The following GLIS3 variants were observed in gnomAD, a reference collection of about 807,000 sequenced individuals.
The protein encoded by GLIS3 is zinc finger protein GLIS3.
In GLIS3, 53 loss-of-function variants were observed where a neutral mutation model predicts 78.6. The observed-to-expected ratio is 0.67, with a 90% CI of 0.54 to 0.85. The LOEUF (loss-of-function observed/expected upper bound fraction) is 0.85, where lower values mean the gene tolerates loss of function less well. Among genes scored for constraint, GLIS3 ranks in the 40% least tolerant of loss-of-function variants. The probability of loss-of-function intolerance (pLI) is 0.00; values close to 1 mark genes in which losing one functional copy is unlikely to be tolerated. For missense variants in GLIS3, 1,703 were observed against 1,231.1 expected (o/e 1.38, Z -5.74); for synonymous variants, 684 against 509.9 (o/e 1.34, Z -4.60).
chr9:4,203,252 G>T (rs1819565867), intron 2 of GLIS3, among the ~76,000 whole-genome samples: 1 of 152,152 alleles, frequency 6.6e-6, no homozygotes, highest in South Asian at 2.1e-4. Flanking sequence ...TCAGATAAAT[G>T]CAACTCCAAA....
chr9:3,960,452 G>C (rs1229048712), intron 4 of GLIS3, among the ~76,000 whole-genome samples: 1 of 152,126 alleles, frequency 6.6e-6, no homozygotes, highest in Non-Finnish European at 1.5e-5. Flanking sequence ...CCACCATCTG[G>C]AATTGTCTGG....
intron 2 of GLIS3, among the ~76,000 whole-genome samples, chr9:4,146,794 A>C (rs1014853450): frequency 2.0e-5 from 3 of 152,246 alleles, no homozygotes; most frequent in African/African-American, 7.2e-5. Context: ...AAAATTAAAC[A>C]GTTCTCTAGA....
chr9:4,155,021 T>G (rs1346616664), intron 2 of GLIS3, among the ~76,000 whole-genome samples: 2 of 152,216 alleles, frequency 1.3e-5, no homozygotes, highest in East Asian at 3.8e-4. Context: ...ACCATGAAAC[T>G]TTATTTAGAA....
At chr9:4,448,649 A>C in the GLIS3 span, among the ~76,000 whole-genome samples, 1 of 152,246 alleles carries the variant, frequency 6.6e-6, no homozygotes, top group African/African-American at 2.4e-5. Flanking sequence ...TGTTCTGGAC[A>C]ACAAACTATA....
intron 3 of GLIS3, among the ~76,000 whole-genome samples, chr9:4,124,376 G>C (rs546639621): frequency 6.6e-6 from 1 of 152,202 alleles, no homozygotes; most frequent in East Asian, 1.9e-4. Flanking sequence ...AAGATACATG[G>C]CTTAAGCAGT....
intron 2 of GLIS3, among the ~76,000 whole-genome samples, chr9:4,315,654 G>T (rs904269613): frequency 2.6e-5 from 4 of 152,106 alleles, no homozygotes; most frequent in Non-Finnish European, 5.9e-5. Context: ...ACATTCTCAT[G>T]AACTTTCCTG....
chr9:3,894,808 T>C (rs954765069), intron 7 of GLIS3, among the ~76,000 whole-genome samples: 1 of 152,202 alleles, frequency 6.6e-6, no homozygotes, highest in African/African-American at 2.4e-5. Flanking sequence ...ACAATTATTT[T>C]ATAACCCAGT....
chr9:4,016,977 G>A (rs1272623373), intron 4 of GLIS3, among the ~76,000 whole-genome samples: 1 of 152,162 alleles, frequency 6.6e-6, no homozygotes, highest in Non-Finnish European at 1.5e-5. Context: ...CAATCACATT[G>A]CAAAATGCTT....
At chr9:4,245,720 A>T (rs1355838352) in intron 2 of GLIS3, among the ~76,000 whole-genome samples, 1 of 152,218 alleles carries the variant, frequency 6.6e-6, no homozygotes, top group Non-Finnish European at 1.5e-5. Flanking sequence ...TTTGATCATT[A>T]CACATTATAT....
chr9:4,118,845 G>A lies in GLIS3; in HGVS notation c.633C>T (p.Thr211=). Residue 211 remains threonine (T), a synonymous_variant, in exon 4 of 11, where the codon ACC becomes ACT. Coordinates refer to ENST00000381971, the MANE Select transcript of GLIS3 (RefSeq NM_001042413.2). The surrounding 1 kb of genome is among the most constrained non-coding windows in gnomAD (Gnocchi z 4.7). ...LISRESLAST[T]LSLTESQSAS... ...CCGACTGACTTTCCGTCAGACTCAA[G>A]GTCGTGGACGCCAAAGACTCACGCG... The A allele has an allele frequency of 6.2e-7, 1 of 1,604,076 alleles. No homozygotes were observed. Among genetic ancestry groups the A allele is most frequent in the African/African-American group, 1.3e-5 (1 of 75,004 alleles).
the GLIS3 span, among the ~76,000 whole-genome samples, chr9:4,411,249 G>A: frequency 1.3e-5 from 2 of 152,098 alleles, no homozygotes; most frequent in Admixed American, 6.6e-5. Flanking sequence ...CTCCTACAAT[G>A]TGTTATAATG....
intron 2 of GLIS3, among the ~76,000 whole-genome samples, chr9:4,243,582 G>A (rs1176590248): frequency 6.6e-6 from 1 of 152,134 alleles, no homozygotes; most frequent in Non-Finnish European, 1.5e-5. Context: ...TGGTTATTTT[G>A]CTTTGGGATA....
chr9:4,155,588 A>C (rs1440134170), intron 2 of GLIS3, among the ~76,000 whole-genome samples: 1 of 152,206 alleles, frequency 6.6e-6, no homozygotes, highest in Non-Finnish European at 1.5e-5. Context: ...ATAGGACATT[A>C]GTCACCGGTT....
intron 6 of GLIS3, among the ~76,000 whole-genome samples, chr9:3,923,224 A>G (rs1329854373): frequency 6.6e-6 from 1 of 152,186 alleles, no homozygotes; most frequent in Non-Finnish European, 1.5e-5. Flanking sequence ...TTATCTCTCT[A>G]AATCACAGAT....
chr9:4,095,119 G>C (rs1470857079), intron 4 of GLIS3, among the ~76,000 whole-genome samples: 2 of 152,040 alleles, frequency 1.3e-5, no homozygotes, highest in Admixed American at 6.6e-5. Context: ...TAAAACACTA[G>C]AACTTATTCC....
the GLIS3 span, among the ~76,000 whole-genome samples, chr9:4,437,681 G>C: frequency 6.6e-6 from 1 of 152,058 alleles, no homozygotes; most frequent in African/African-American, 2.4e-5. Context: ...AAGTGTGCCT[G>C]CCTTCCCTTC....
chr9:4,413,122 G>A, the GLIS3 span, among the ~76,000 whole-genome samples: 4,106 of 152,298 alleles, frequency 0.027, 83 homozygotes, highest in Non-Finnish European at 0.039. Context: ...ATTAAAGGCA[G>A]GTAATCATAA....
chr9:4,137,292 G>C (rs535914591), intron 2 of GLIS3, among the ~76,000 whole-genome samples: 1 of 152,252 alleles, frequency 6.6e-6, no homozygotes, highest in Non-Finnish European at 1.5e-5. Context: ...CATGAATCAT[G>C]CAATCTCCTA....
At chr9:4,354,116 G>A in the GLIS3 span, among the ~76,000 whole-genome samples, 4 of 151,932 alleles carry the variant, frequency 2.6e-5, no homozygotes, top group Admixed American at 1.3e-4. Context: ...GATTACAGGC[G>A]TGAGCCACCA....
Sources: gnomAD v4.1 joint callset for allele counts (sites outside exome capture counted in the v4.1 genomes callset) on GRCh38, gnomAD v4.1.1 for gene constraint, Gnocchi (gnomAD v3.1) non-coding constraint, MANE v1.5 for transcripts, NCBI Gene and HGNC (gene_info 2026-07-23, HGNC 2026-07-21) for gene names.